Variants in ARHGEF38 observed in about 807,000 individuals in gnomAD.
The protein encoded by ARHGEF38 is Rho guanine nucleotide exchange factor 38.
ARHGEF38 carries 79 observed loss-of-function variants against 79.9 expected under a neutral mutation model. The ratio of observed to expected loss-of-function variants is 0.99; its 90% CI spans 0.82 to 1.19. The LOEUF is 1.19. Ranked by LOEUF, ARHGEF38 falls within the 50% of genes most tolerant of loss-of-function variation. The pLI is 0.00. For missense variants in ARHGEF38, 962 were observed against 907.2 expected (o/e 1.06, Z -0.78); for synonymous variants, 366 against 328.3 (o/e 1.11, Z -1.24).
At chr4:105,666,347 G>A (rs1730749087) in intron 11 of ARHGEF38, 27 bp downstream of exon 11, 1 of 1,499,612 alleles carries the variant, frequency 6.7e-7, no homozygotes. Context: ...TCATGACAAT[G>A]ATAACTTTCA....
chr4:105,650,866 G>A (rs1356921563), intron 7 of ARHGEF38, among the ~76,000 whole-genome samples: 2 of 152,164 alleles, frequency 1.3e-5, no homozygotes, highest in Non-Finnish European at 2.9e-5. Flanking sequence ...AGAAGTTGGG[G>A]ACATTTATGG....
intron 2 of ARHGEF38, among the ~76,000 whole-genome samples, chr4:105,589,964 G>A (rs533850766): frequency 1.2e-3 from 183 of 151,508 alleles, no homozygotes; most frequent in Non-Finnish European, 2.3e-3. Context: ...GCTTGAACCC[G>A]GGAGACAGAG....
chr4:105,591,543 T>A (rs1328642999), intron 2 of ARHGEF38, among the ~76,000 whole-genome samples: 1 of 152,160 alleles, frequency 6.6e-6, no homozygotes. Flanking sequence ...AAATATTTTT[T>A]AAAAAACCAT....
intron 10 of ARHGEF38, among the ~76,000 whole-genome samples, chr4:105,663,519 T>C (rs977331394): frequency 6.6e-6 from 1 of 152,222 alleles, no homozygotes; most frequent in Non-Finnish European, 1.5e-5. Flanking sequence ...TCTACAAATT[T>C]GACTACTTTA....
At position 105,561,478 on chromosome 4, in the gene ARHGEF38, T is replaced by TGG. The variant is rs1560684607; in HGVS notation, c.196+8517_196+8518insGG. The TGG allele has an allele frequency of 2.8e-4, 36 of 128,134 alleles. 1 individual carries two copies. The highest frequency in any genetic ancestry group is 8.3e-4 in the African/African-American group (27 of 32,662). The allele number at this position is 128,134 out of a possible 1,614,324, so 7.9% of individuals were successfully genotyped here. On this transcript the variant is annotated intron_variant, in intron 1 of 13. Transcript: ENST00000420470. Reference sequence around the variant, plus strand: ...TAGAATAGAATAGAATAGAATAGAATAGAATAGAATAGAATAGAATAGAAT... The same window carrying TGG: ...TAGAATAGAATAGAATAGAATAGAATGGAGAATAGAATAGAATAGAATAGAAT...
At chr4:105,668,680 A>AGAT (rs999390086) in intron 13 of ARHGEF38, among the ~76,000 whole-genome samples, 3 of 150,728 alleles carry the variant, frequency 2.0e-5, no homozygotes, top group Admixed American at 6.6e-5. Flanking sequence ...ATAGATAGAT[A>AGAT]GATAGATAGA....
At chr4:105,651,728 C>T (rs1013931066) in intron 7 of ARHGEF38, among the ~76,000 whole-genome samples, 3 of 152,000 alleles carry the variant, frequency 2.0e-5, no homozygotes, top group Admixed American at 6.5e-5. Context: ...TATCATAGCT[C>T]GCTGCAGCCT....
At chr4:105,649,699 G>A (rs1376646942) in intron 7 of ARHGEF38, among the ~76,000 whole-genome samples, 1 of 152,248 alleles carries the variant, frequency 6.6e-6, no homozygotes. Flanking sequence ...GATGGCTTTG[G>A]CAGCTGCTGT....
chr4:105,675,680 T>C (rs1731094087), intron 13 of ARHGEF38, among the ~76,000 whole-genome samples: 1 of 152,180 alleles, frequency 6.6e-6, no homozygotes, highest in African/African-American at 2.4e-5. Context: ...CATAAACTGG[T>C]TGGCTTATAA....
rs1224883613 is a variant in ARHGEF38 at position 105,655,663 on chromosome 4, G to T, written c.1174G>T (p.Asp392Tyr). 1 of 1,535,890 alleles carries T rather than the reference G, an allele frequency of 6.5e-7. No individual in the cohort carries two copies. Residue 392 changes from aspartate to tyrosine, a missense_variant, in exon 9 of 14, where the codon GAC becomes TAC. Asp to Tyr is a radical substitution (Grantham distance 160, BLOSUM62 -3). Coordinates refer to ENST00000420470, the MANE Select transcript of ARHGEF38 (RefSeq NM_001242729.2). ...CCTTCAGGAGATTTCATACAACAAA[G>T]ACGATGAGATGGACTATTCTGAGAC... ...MDLQEISYNK[D>Y]DEMDYSETLS...
In ARHGEF38 at chr4:105,643,869, C is replaced by T. The variant is rs1294367358; in HGVS notation, c.675-1319C>T. On this transcript the variant is annotated intron_variant, in intron 5 of 13. Coordinates refer to ENST00000420470, the MANE Select transcript of ARHGEF38 (RefSeq NM_001242729.2). ...ATTAGATGGTCTCTAAGATGCCTTCCTACTTTTTTTTTTTTTTTTTTTTTT... is the reference window on the plus strand; with the variant it reads ...ATTAGATGGTCTCTAAGATGCCTTCTTACTTTTTTTTTTTTTTTTTTTTTT... Among the ~76,000 whole-genome samples, 8 of 143,670 alleles carry T rather than the reference C, an allele frequency of 5.6e-5. 1 individual carries two copies. Among genetic ancestry groups the T allele is most frequent in the African/African-American group, 2.1e-4 (8 of 37,764 alleles). 94.3% of individuals were successfully genotyped at this position (143,670 alleles called of 152,430 possible).
intron 1 of ARHGEF38, among the ~76,000 whole-genome samples, chr4:105,553,716 C>A (rs780624600): frequency 7.2e-5 from 11 of 152,118 alleles, no homozygotes; most frequent in South Asian, 4.1e-4. Context: ...TCCTGAAGGT[C>A]ATTTGTTCTA....
At chr4:105,585,748 T>G (rs1727009684) in intron 1 of ARHGEF38, among the ~76,000 whole-genome samples, 1 of 144,306 alleles carries the variant, frequency 6.9e-6, no homozygotes, top group Non-Finnish European at 1.5e-5. Flanking sequence ...TTTTTTTTTT[T>G]TGAGATGGAG....
At chr4:105,607,046 G>T (rs1201876547) in intron 2 of ARHGEF38, among the ~76,000 whole-genome samples, 1 of 152,010 alleles carries the variant, frequency 6.6e-6, no homozygotes, top group Non-Finnish European at 1.5e-5. Context: ...GTTAGTGGTT[G>T]GGGGTCTGCA....
chr4:105,657,523 T>G (rs1390576257), intron 9 of ARHGEF38, among the ~76,000 whole-genome samples: 1 of 152,150 alleles, frequency 6.6e-6, no homozygotes, highest in Admixed American at 6.5e-5. Context: ...AATAATAAAG[T>G]CTAATTCTTA....
rs1048410396 is a variant in ARHGEF38 at position 105,677,803 on chromosome 4, C to T, written c.2200C>T (p.Leu734Phe). The T allele has an allele frequency of 6.5e-7, 1 of 1,533,232 alleles. No homozygotes were observed. 95.0% of individuals were successfully genotyped at this position (1,533,232 alleles called of 1,614,324 possible). ...AGCACGGAGTGACCATGAACTCAGC[C>T]TTCAGGAATACCAGAGAGTTCATAT... Reference protein sequence around the residue: ...FQARSDHELSLQEYQRVHILR... With the variant: ...FQARSDHELSFQEYQRVHILR... Residue 734 changes from leucine to phenylalanine, a missense_variant, in exon 14 of 14, where the codon CTT (leucine) becomes TTT (phenylalanine). By Grantham distance (22) the Leu-to-Phe change is conservative. Coordinates refer to ENST00000420470, the MANE Select transcript of ARHGEF38 (RefSeq NM_001242729.2).
intron 5 of ARHGEF38, among the ~76,000 whole-genome samples, chr4:105,636,674 T>C (rs1454798079): frequency 6.6e-6 from 1 of 152,074 alleles, no homozygotes; most frequent in Non-Finnish European, 1.5e-5. Flanking sequence ...CAGAAAGTCT[T>C]TGGGAACTGC....
intron 10 of ARHGEF38, among the ~76,000 whole-genome samples, chr4:105,661,560 G>A (rs1344487216): frequency 1.3e-5 from 2 of 149,196 alleles, no homozygotes; most frequent in Non-Finnish European, 3.0e-5. Context: ...ATCTCATTGT[G>A]GTTTTTATTT....
At chr4:105,624,212 G>A (rs566292603) in intron 3 of ARHGEF38, among the ~76,000 whole-genome samples, 2 of 151,918 alleles carry the variant, frequency 1.3e-5, no homozygotes, top group Admixed American at 6.6e-5. Context: ...CTTATCTTAC[G>A]CTAGTGCTTC....
Sources: allele counts gnomAD v4.1 joint callset (sites outside exome capture counted in the v4.1 genomes callset), GRCh38; gene constraint gnomAD v4.1.1; transcripts MANE v1.5; gene names NCBI Gene and HGNC (gene_info 2026-07-23, HGNC 2026-07-21).